The following ERV3-1 variants were observed in gnomAD, a reference collection of about 807,000 sequenced individuals.
ERV3-1 encodes endogenous retrovirus group 3 member 1, envelope.
ERV3-1 carries 36 observed loss-of-function variants against 24.6 expected under a neutral mutation model. The observed-to-expected ratio is 1.47, with a 90% CI of 1.12 to 1.94. ERV3-1 has a LOEUF of 1.94. ERV3-1 is among the 30% of genes most tolerant of loss of function. ERV3-1 has a pLI of 0.00. For missense variants in ERV3-1, 578 were observed against 330.9 expected (o/e 1.75, Z -5.79); for synonymous variants, 211 against 122.6 (o/e 1.72, Z -4.76).
chr7:64,997,142 T>C (rs1302238483), intron 1 of ERV3-1, among the ~76,000 whole-genome samples: 1 of 152,240 alleles, frequency 6.6e-6, no homozygotes, highest in African/African-American at 2.4e-5. Context: ...TCCATGTCCA[T>C]GGCTATGTCC....
chr7:65,000,482 C>T (rs1347856298), intron 1 of ERV3-1, among the ~76,000 whole-genome samples: 3 of 152,094 alleles, frequency 2.0e-5, no homozygotes, highest in Admixed American at 2.0e-4. Flanking sequence ...CTCGGCCTCC[C>T]AAAGTGCTGT....
intron 1 of ERV3-1, among the ~76,000 whole-genome samples, chr7:64,995,638 A>G (rs1265827168): frequency 6.6e-6 from 1 of 152,204 alleles, no homozygotes; most frequent in Non-Finnish European, 1.5e-5. Context: ...GGAAGTGCAC[A>G]AATGGCTTGC....
chr7:64,993,685 C>T (rs1015844062), intron 1 of ERV3-1, among the ~76,000 whole-genome samples: 17 of 151,144 alleles, frequency 1.1e-4, no homozygotes, highest in African/African-American at 4.1e-4. Flanking sequence ...GATGGCTTGC[C>T]GAACAGTATT....
chr7:65,001,937 T>C lies in ERV3-1; in HGVS notation c.-389+4604A>G, dbSNP rs75117221. Among the ~76,000 whole-genome samples, 1,193 of 152,296 alleles carry C rather than the reference T, an allele frequency of 7.8e-3. 14 individuals carry two copies. The highest frequency in any genetic ancestry group is 0.026 in the African/African-American group (1,062 of 41,544). On this transcript the variant is annotated intron_variant, in intron 1 of 1. Transcript: ENST00000394323. The stretch of plus-strand genomic sequence containing the variant: ...GTCCATCTATGCTTTTGAGCTACTG[T>C]TTAAAAATTCAGGACTCCCATAAAT...
At position 64,991,447 on chromosome 7, in the gene ERV3-1, T is replaced by C. The variant is rs750570234; in HGVS notation, c.1580A>G (p.Asn527Ser). 10 of 704,088 alleles carry C rather than the reference T, an allele frequency of 1.4e-5. No individual in the cohort carries two copies. The highest frequency in any genetic ancestry group is 3.0e-5 in the South Asian group (2 of 67,602). The allele number at this position is 704,088 out of a possible 1,614,324, so 43.6% of individuals were successfully genotyped here. Reference sequence around the variant, plus strand: ...CAGATTCAAGGCCCCTGCAGTTTCATTGGTAATGATTTCTAGTACTGCCTG... The same window carrying C: ...CAGATTCAAGGCCCCTGCAGTTTCACTGGTAATGATTTCTAGTACTGCCTG... Reference protein sequence around the residue: ...RLQAVLEIITNETAGALNLLA... With the variant: ...RLQAVLEIITSETAGALNLLA... The change falls in exon 2 of 2, where the codon AAT becomes AGT. Residue 527 changes from asparagine (N) to serine (S), a missense_variant. Asn to Ser is a conservative substitution (Grantham distance 46, BLOSUM62 1). Coordinates refer to ENST00000394323, the MANE Select transcript of ERV3-1 (RefSeq NM_001007253.4).
At chr7:65,006,093 T>C in intron 1 of ERV3-1, 1 of 174,398 alleles carries the variant, frequency 5.7e-6, no homozygotes, top group Non-Finnish European at 1.2e-5. Context: ...ATTCTTGAAT[T>C]ACTCTTTAAT....
chr7:65,001,959 A>C (rs1786532954), intron 1 of ERV3-1, among the ~76,000 whole-genome samples: 1 of 152,192 alleles, frequency 6.6e-6, no homozygotes, highest in East Asian at 1.9e-4. Context: ...GGACTCCCAT[A>C]AATCTCTCAA....
At chr7:65,000,736 G>A (rs2129124094) in intron 1 of ERV3-1, among the ~76,000 whole-genome samples, 1 of 152,238 alleles carries the variant, frequency 6.6e-6, no homozygotes, top group African/African-American at 2.4e-5. Context: ...AGTGAGCCAA[G>A]ATCACATCAC....
rs1380991008 is a variant in ERV3-1 at position 64,991,010 on chromosome 7, G to T, written c.*202C>A. 4.3e-6 allele frequency: 2 copies of T among 463,336 alleles called. No individual in the cohort carries two copies. Among genetic ancestry groups the T allele is most frequent in the Non-Finnish European group, 7.6e-6 (2 of 262,672 alleles). 28.7% of individuals were successfully genotyped at this position (463,336 alleles called of 1,614,324 possible). On this transcript the variant is annotated 3_prime_UTR_variant, in exon 2 of 2. Transcript: ENST00000394323. Reference sequence around the variant, plus strand: ...GGAAGTAGCTCTTTTCTTGGCAGGGGTTAATACTTAGTTAGGGCCATTAGT... The same window carrying T: ...GGAAGTAGCTCTTTTCTTGGCAGGGTTTAATACTTAGTTAGGGCCATTAGT...
At chr7:65,002,595 T>C (rs1411502955) in intron 1 of ERV3-1, among the ~76,000 whole-genome samples, 3 of 152,258 alleles carry the variant, frequency 2.0e-5, no homozygotes, top group African/African-American at 7.2e-5. Context: ...CCCAAAGTGC[T>C]GGGATTACAG....
At chr7:64,999,470 A>C (rs1331421371) in intron 1 of ERV3-1, among the ~76,000 whole-genome samples, 2 of 152,230 alleles carry the variant, frequency 1.3e-5, no homozygotes, top group African/African-American at 4.8e-5. Context: ...CTTGACTTTT[A>C]TACATGCAAC....
Position 64,993,758 on chromosome 7 carries a change from C to A in ERV3-1, c.-388-344G>T, listed in dbSNP as rs1316689714. Among the ~76,000 whole-genome samples the A allele has an allele frequency of 2.0e-5, 3 of 152,186 alleles. No homozygotes were observed. In the East Asian group the frequency reaches 5.8e-4, roughly 29 times the overall value. Reference sequence around the variant, plus strand: ...ACCTAACTTGAAGGAGGACCATGGGCAGGACTTGATCCCATCTCAGAGGGG... The same window carrying A: ...ACCTAACTTGAAGGAGGACCATGGGAAGGACTTGATCCCATCTCAGAGGGG... On this transcript the variant is annotated intron_variant, in intron 1 of 1. Coordinates refer to ENST00000394323, the MANE Select transcript of ERV3-1 (RefSeq NM_001007253.4).
chr7:64,992,280 T>A lies in ERV3-1; in HGVS notation c.747A>T (p.Gln249His), dbSNP rs994182369. The change falls in exon 2 of 2, where the codon CAA becomes CAT. Residue 249 changes from glutamine to histidine, a missense_variant. Transcript: ENST00000394323. ...IIKKTRTRST[Q>H]QFRVFESFYE... ...AGAATGACTCAAAAACTCGGAACTG[T>A]TGGGTTGAGCGGGTCCGAGTTTTCT... 1.3e-6 allele frequency: 1 copy of A among 766,174 alleles called. No homozygotes were observed. Among genetic ancestry groups the A allele is most frequent in the Non-Finnish European group, 2.4e-6 (1 of 417,888 alleles). The allele number at this position is 766,174 out of a possible 1,614,324, so 47.5% of individuals were successfully genotyped here.
In ERV3-1 at chr7:64,991,893, C is replaced by T. The variant is rs1244470695; in HGVS notation, c.1134G>A (p.Arg378=). The T allele has an allele frequency of 1.3e-6, 1 of 766,196 alleles. No individual in the cohort carries two copies. The highest frequency in any genetic ancestry group is 2.4e-6 in the Non-Finnish European group (1 of 417,888). The allele number at this position is 766,196 out of a possible 1,614,324, so 47.5% of individuals were successfully genotyped here. Reference sequence around the variant, plus strand: ...GTGATTCAGAATTATTGCTTTTGCCCCTCCATAAAGTCTTTCCTAGTGTCT... The same window carrying T: ...GTGATTCAGAATTATTGCTTTTGCCTCTCCATAAAGTCTTTCCTAGTGTCT... The part of the protein sequence containing the change: ...YNETLGKTLW[R]GKSNNSESPH... Residue 378 remains arginine, a synonymous_variant, in exon 2 of 2, where the codon AGG becomes AGA. Coordinates refer to ENST00000394323, the MANE Select transcript of ERV3-1 (RefSeq NM_001007253.4).
chr7:64,997,216 C>T (rs1282475505), intron 1 of ERV3-1, among the ~76,000 whole-genome samples: 1 of 152,172 alleles, frequency 6.6e-6, no homozygotes, highest in Non-Finnish European at 1.5e-5. Context: ...CGGCCTTTTT[C>T]TTAAGTCTGA....
intron 1 of ERV3-1, among the ~76,000 whole-genome samples, chr7:65,000,353 G>A (rs1786493090): frequency 6.6e-6 from 1 of 152,034 alleles, no homozygotes; most frequent in African/African-American, 2.4e-5. Flanking sequence ...CTCCCAAGTA[G>A]CTGGGACTAC....
rs1786655277 is a variant in ERV3-1, at chr7:65,006,557, G to T, written c.-405C>A. The T allele has an allele frequency of 6.3e-7, 1 of 1,576,520 alleles. No homozygotes were observed. Among genetic ancestry groups the T allele is most frequent in the Non-Finnish European group, 8.7e-7 (1 of 1,147,492 alleles). ...CACTCTCACCATTTCTAGGCTTCCA[G>T]TGGGTCCTGGCGTCTTAGCTGTGGA... On this transcript the variant is annotated 5_prime_UTR_variant, in exon 1 of 2. The change creates a new upstream start codon in the 5' untranslated region. Transcript: ENST00000394323.
chr7:64,997,413 G>A (rs559110512), intron 1 of ERV3-1, among the ~76,000 whole-genome samples: 20 of 152,238 alleles, frequency 1.3e-4, no homozygotes, highest in South Asian at 4.1e-4. Flanking sequence ...TGTCAAACGG[G>A]GTGTAAAGCT....
At chr7:65,001,164 G>C (rs1786512620) in intron 1 of ERV3-1, among the ~76,000 whole-genome samples, 1 of 152,168 alleles carries the variant, frequency 6.6e-6, no homozygotes, top group Admixed American at 6.5e-5. Flanking sequence ...TAACAAATCT[G>C]CATGTGTACC....
Sources: gnomAD v4.1 joint callset for allele counts (sites outside exome capture counted in the v4.1 genomes callset) on GRCh38, gnomAD v4.1.1 for gene constraint, MANE v1.5 for transcripts, NCBI Gene and HGNC (gene_info 2026-07-23, HGNC 2026-07-21) for gene names.